MAP2K1: variants seen among roughly 807,000 people sequenced by gnomAD.
MAP2K1 encodes mitogen-activated protein kinase kinase 1.
Under a neutral mutation model 46.3 loss-of-function variants are expected in MAP2K1, and 16 were observed. That is an observed-to-expected ratio of 0.35 (90% CI 0.23 to 0.52). MAP2K1 has a LOEUF of 0.52. MAP2K1 is among the 20% of genes least tolerant of loss of function. MAP2K1 has a pLI of 0.94. For missense variants in MAP2K1, 263 were observed against 497.1 expected (o/e 0.53, Z 4.48); for synonymous variants, 183 against 185.6 (o/e 0.99, Z 0.11).
intron 5 of MAP2K1, among the ~76,000 whole-genome samples, chr15:66,455,036 C>CT (rs1179068957): frequency 7.2e-5 from 11 of 152,308 alleles, no homozygotes; most frequent in Admixed American, 2.0e-4. Flanking sequence ...GCGTACAACT[C>CT]TAACAGTGCT....
intron 1 of MAP2K1, among the ~76,000 whole-genome samples, chr15:66,419,069 C>G (rs1329881114): frequency 6.7e-6 from 1 of 149,726 alleles, no homozygotes. Flanking sequence ...TGGGTTCAAG[C>G]GATTCTCCTG....
At position 66,490,103 on chromosome 15, in the gene MAP2K1, C is replaced by T. The variant is rs138889457; in HGVS notation, c.1068+340C>T. On this transcript the variant is annotated intron_variant, in intron 10 of 10. Transcript: ENST00000307102. ...TCAGCCTCCTTCCAGAGTCACTCTC[C>T]GCCTGCTGTCTCGTTTGGTGGCAGT... The T allele has an allele frequency of 1.1e-3, 554 of 526,908 alleles. 3 individuals carry two copies. The East Asian group carries it at 0.017, about 16-fold the overall frequency. 32.6% of individuals were successfully genotyped at this position (526,908 alleles called of 1,614,324 possible). A position where few individuals can be genotyped will look rare whatever the true frequency, so the allele number is the denominator to read the frequency against.
At chr15:66,489,599 G>T (rs901782420) in intron 9 of MAP2K1, 119 bp from the exon 10 acceptor site, 1 of 832,400 alleles carries the variant, frequency 1.2e-6, no homozygotes, top group Non-Finnish European at 2.1e-6. Context: ...ACAGGAGGAT[G>T]AATCAAGCCC....
chr15:66,479,749 A>G (rs879288310), intron 5 of MAP2K1, among the ~76,000 whole-genome samples: 2 of 152,184 alleles, frequency 1.3e-5, no homozygotes, highest in Admixed American at 6.5e-5. Context: ...GGTGAGGCAG[A>G]CAGCCAACGT....
intron 5 of MAP2K1, among the ~76,000 whole-genome samples, chr15:66,469,802 C>T (rs569125178): frequency 1.4e-5 from 2 of 146,932 alleles, no homozygotes; most frequent in South Asian, 2.2e-4. Context: ...ATCTCATTGC[C>T]GTATTTCTGC....
intron 1 of MAP2K1, chr15:66,402,083 TGTG>T (rs2093383145): frequency 8.5e-6 from 8 of 936,580 alleles, no homozygotes; most frequent in South Asian, 5.5e-5. Flanking sequence ...TTATAAATGA[TGTG>T]GTTACTACAT....
At chr15:66,475,412 CA>C (rs1892733043) in intron 5 of MAP2K1, among the ~76,000 whole-genome samples, 1 of 152,128 alleles carries the variant, frequency 6.6e-6, no homozygotes, top group Non-Finnish European at 1.5e-5. Flanking sequence ...CACAGATGAG[CA>C]AGAATCCAGC....
intron 5 of MAP2K1, among the ~76,000 whole-genome samples, chr15:66,449,619 G>A (rs1456171536): frequency 1.3e-5 from 2 of 152,164 alleles, no homozygotes; most frequent in Non-Finnish European, 2.9e-5. Context: ...GGTGGCTCAC[G>A]CCTGTAATCC....
At chr15:66,469,699 C>T (rs1892568975) in intron 5 of MAP2K1, among the ~76,000 whole-genome samples, 1 of 137,516 alleles carries the variant, frequency 7.3e-6, no homozygotes, top group African/African-American at 2.6e-5. Flanking sequence ...TAAAGACACA[C>T]ACACACACAC....
chr15:66,388,743 A>C (rs1029585727), intron 1 of MAP2K1, among the ~76,000 whole-genome samples: 3 of 151,884 alleles, frequency 2.0e-5, no homozygotes, highest in Admixed American at 1.3e-4. Context: ...AATGATCACA[A>C]GGTCGATGGT....
At chr15:66,472,967 C>T (rs1190213397) in intron 5 of MAP2K1, among the ~76,000 whole-genome samples, 1 of 152,344 alleles carries the variant, frequency 6.6e-6, no homozygotes, top group African/African-American at 2.4e-5. Flanking sequence ...CTACCTCCCA[C>T]CTCTCCTGCT....
chr15:66,482,864 T>C (rs1034712485), intron 6 of MAP2K1, among the ~76,000 whole-genome samples: 1 of 151,216 alleles, frequency 6.6e-6, no homozygotes, highest in Non-Finnish European at 1.5e-5. Flanking sequence ...AGGCAGTCTT[T>C]ACAGAAGTGG....
rs796359222 is a variant in MAP2K1 at position 66,420,845 on chromosome 15, G to A, written c.81-14182G>A. The stretch of plus-strand genomic sequence containing the variant: ...TATATATATGTGTATATATATGTGT[G>A]TATATATATGTGTGTATATATATGT... On this transcript the variant is annotated intron_variant, in intron 1 of 10. Transcript: ENST00000307102. Among the ~76,000 whole-genome samples the A allele has an allele frequency of 1.1e-4, 12 of 109,706 alleles. 1 individual carries two copies. Among genetic ancestry groups the A allele is most frequent in the African/African-American group, 2.1e-4 (6 of 28,586 alleles). The allele number at this position is 109,706 out of a possible 152,430, so 72.0% of individuals were successfully genotyped here.
intron 5 of MAP2K1, among the ~76,000 whole-genome samples, chr15:66,452,364 GTCT>G (rs1163854043): frequency 6.7e-6 from 1 of 149,178 alleles, no homozygotes; most frequent in African/African-American, 2.5e-5. Context: ...CTGCCATCTT[GTCT>G]TCTTTCTACT....
intron 2 of MAP2K1, 107 bp downstream of exon 2, chr15:66,435,344 T>C (rs1238540927): frequency 2.2e-6 from 2 of 895,326 alleles, no homozygotes; most frequent in East Asian, 2.6e-5. Flanking sequence ...CTTTTTGTGC[T>C]GTTTGAATTT....
chr15:66,431,405 A>G (rs1483010131), intron 1 of MAP2K1, among the ~76,000 whole-genome samples: 1 of 152,184 alleles, frequency 6.6e-6, no homozygotes, highest in Non-Finnish European at 1.5e-5. Flanking sequence ...CCACTACAGG[A>G]TCTTTGTTTC....
intron 5 of MAP2K1, among the ~76,000 whole-genome samples, chr15:66,469,947 T>C (rs7182853): frequency 0.31 from 46,807 of 150,904 alleles, 7,679 homozygotes; most frequent in Admixed American, 0.4. Flanking sequence ...CCTGAGGTGA[T>C]AGCTATTGCT....
At chr15:66,428,324 G>A (rs901566020) in intron 1 of MAP2K1, among the ~76,000 whole-genome samples, 7 of 95,406 alleles carry the variant, frequency 7.3e-5, no homozygotes, top group African/African-American at 2.3e-4. Context: ...GTGTGTGTGT[G>A]TATGAGAGGG....
At chr15:66,387,963 G>A (rs1391263821) in intron 1 of MAP2K1, among the ~76,000 whole-genome samples, 1 of 152,210 alleles carries the variant, frequency 6.6e-6, no homozygotes, top group South Asian at 2.1e-4. Context: ...TGTGGACTTC[G>A]TGGCTTTTCC....
Sources: allele counts gnomAD v4.1 joint callset (sites outside exome capture counted in the v4.1 genomes callset), GRCh38; gene constraint gnomAD v4.1.1; transcripts MANE v1.5; gene names NCBI Gene and HGNC (gene_info 2026-07-23, HGNC 2026-07-21).